ATG2B: variants seen among roughly 807,000 people sequenced by gnomAD.
ATG2B encodes autophagy related 2B.
ATG2B carries 121 observed loss-of-function variants against 241.3 expected under a neutral mutation model. The ratio of observed to expected loss-of-function variants is 0.50; its 90% CI spans 0.43 to 0.58. The LOEUF is 0.58. ATG2B is among the 20% of genes least tolerant of loss of function. ATG2B has a pLI of 0.00. For synonymous variants in ATG2B, 858 were observed against 876.6 expected (o/e 0.98, Z 0.37); for missense variants, 2,306 against 2,491.6 (o/e 0.93, Z 1.59).
intron 29 of ATG2B, among the ~76,000 whole-genome samples, chr14:96,308,269 TATATATATATA>T (rs1566719910): frequency 4.9e-4 from 13 of 26,524 alleles, no homozygotes; most frequent in African/African-American, 6.5e-4. Context: ...TATATATATA[TATATATATATA>T]TATTTTTTTT....
At chr14:96,313,508 A>C in intron 23 of ATG2B, 73 bp from the exon 24 acceptor site, 1 of 640,076 alleles carries the variant, frequency 1.6e-6, no homozygotes, top group Non-Finnish European at 2.6e-6. Context: ...CTTAATACCA[A>C]TGTAAACCAG....
At chr14:96,291,958 TA>T in intron 37 of ATG2B, 70 bp downstream of exon 37, 1 of 1,099,960 alleles carries the variant, frequency 9.1e-7, no homozygotes, top group Non-Finnish European at 1.3e-6. Flanking sequence ...AAAGCAAAGT[TA>T]AAAATAAAAA....
chr14:96,340,131 C>CTATATAGA (rs1887984616), intron 6 of ATG2B, among the ~76,000 whole-genome samples: 1 of 24,106 alleles, frequency 4.1e-5, no homozygotes, highest in African/African-American at 3.4e-4. Context: ...ATATATATAT[C>CTATATAGA]ATATATGATA....
chr14:96,339,512 T>A (rs889084888), intron 6 of ATG2B, among the ~76,000 whole-genome samples: 11 of 151,980 alleles, frequency 7.2e-5, no homozygotes, highest in African/African-American at 2.7e-4. Flanking sequence ...TATGTATATA[T>A]ATTTACACAC....
At chr14:96,318,613 C>G (rs1365047122) in intron 18 of ATG2B, among the ~76,000 whole-genome samples, 1 of 152,016 alleles carries the variant, frequency 6.6e-6, no homozygotes, top group African/African-American at 2.4e-5. Flanking sequence ...GAGAGAAAAA[C>G]CCTTATGACT....
intron 6 of ATG2B, among the ~76,000 whole-genome samples, chr14:96,339,291 T>A (rs1176512069): frequency 1.3e-5 from 2 of 151,902 alleles, no homozygotes; most frequent in Non-Finnish European, 2.9e-5. Flanking sequence ...TGTGTGTGTG[T>A]GTGTGTGTGT....
At chr14:96,321,960 T>C in intron 18 of ATG2B, 152 bp downstream of exon 18, 6 of 574,838 alleles carry the variant, frequency 1.0e-5, no homozygotes, top group South Asian at 2.8e-5. Context: ...CAATAGCACA[T>C]CATAACGGCA....
At chr14:96,324,062 GAGCAA>G (rs905918311) in intron 15 of ATG2B, 64 bp from the exon 16 acceptor site, 1 of 1,088,514 alleles carries the variant, frequency 9.2e-7, no homozygotes, top group African/African-American at 1.6e-5. Context: ...AGAGATGGAG[GAGCAA>G]AGATCCTCTC....
intron 5 of ATG2B, among the ~76,000 whole-genome samples, chr14:96,342,063 G>A (rs1888050905): frequency 6.6e-6 from 1 of 152,086 alleles, no homozygotes; most frequent in Non-Finnish European, 1.5e-5. Flanking sequence ...CTCTCCTCTT[G>A]GAAGGGATTT....
intron 34 of ATG2B, among the ~76,000 whole-genome samples, chr14:96,300,492 C>T (rs1886760280): frequency 6.6e-6 from 1 of 152,172 alleles, no homozygotes; most frequent in Non-Finnish European, 1.5e-5. Flanking sequence ...ACACTCCAGC[C>T]TGGGTGACAG....
intron 34 of ATG2B, among the ~76,000 whole-genome samples, chr14:96,299,037 C>T (rs1886720569): frequency 6.6e-6 from 1 of 152,078 alleles, no homozygotes; most frequent in South Asian, 2.1e-4. Flanking sequence ...TAAAAGAATT[C>T]CTTTTAATGT....
At chr14:96,293,844 C>A (rs1249123124) in intron 36 of ATG2B, among the ~76,000 whole-genome samples, 1 of 151,948 alleles carries the variant, frequency 6.6e-6, no homozygotes, top group Non-Finnish European at 1.5e-5. Flanking sequence ...AACCCTACTT[C>A]CTCTGGGCTA....
intron 5 of ATG2B, among the ~76,000 whole-genome samples, chr14:96,342,192 T>TA (rs774028289): frequency 0.021 from 3,044 of 142,622 alleles, 48 homozygotes; most frequent in Non-Finnish European, 0.031. Context: ...GTTTTGATTG[T>TA]AAAAAAAAAA....
At chr14:96,323,875 C>A in intron 16 of ATG2B, 21 bp downstream of exon 16, 8 of 1,447,080 alleles carry the variant, frequency 5.5e-6, no homozygotes, top group Non-Finnish European at 7.7e-6. Context: ...TCCTATTAAA[C>A]CTATGCATTT....
chr14:96,360,582 G>T (rs1888595872), intron 1 of ATG2B, among the ~76,000 whole-genome samples: 1 of 152,126 alleles, frequency 6.6e-6, no homozygotes, highest in African/African-American at 2.4e-5. Flanking sequence ...AAACCTAATT[G>T]TGTGTATATA....
chr14:96,291,431 C>A (rs1886480767), intron 38 of ATG2B, among the ~76,000 whole-genome samples, 169 bp downstream of exon 38: 1 of 152,136 alleles, frequency 6.6e-6, no homozygotes, highest in Non-Finnish European at 1.5e-5. Context: ...TACTTCTAAT[C>A]CCTCAGAATA....
Position 96,322,573 on chromosome 14 carries a change from A to T in ATG2B, c.2703T>A (p.Phe901Leu). The T allele has an allele frequency of 6.2e-7, 1 of 1,612,748 alleles. No homozygotes were observed. Among genetic ancestry groups the T allele is most frequent in the Non-Finnish European group, 8.5e-7 (1 of 1,179,666 alleles). The change falls in exon 17 of 42, where the codon TTT (phenylalanine) becomes TTA (leucine). Residue 901 changes from phenylalanine (F) to leucine (L), a missense_variant. Phe to Leu is a conservative substitution (Grantham distance 22). Coordinates refer to ENST00000359933, the MANE Select transcript of ATG2B (RefSeq NM_018036.7). ...TTTCAAACATTACTCTACGAGAAGA[A>T]AAAGGAGATGGGGCTGGTCTTCTTA... Reference protein sequence around the residue: ...CDLRRPAPSPFSSRRVMFENE... With the variant: ...CDLRRPAPSPLSSRRVMFENE...
chr14:96,362,719 G>T, intron 1 of ATG2B, 96 bp downstream of exon 1: 2 of 1,266,498 alleles, frequency 1.6e-6, no homozygotes, highest in Non-Finnish European at 2.2e-6. Flanking sequence ...CAATTCCCAA[G>T]GAGGGACTGA....
At chr14:96,315,849 A>G (rs934734396) in intron 21 of ATG2B, among the ~76,000 whole-genome samples, 3 of 152,250 alleles carry the variant, frequency 2.0e-5, no homozygotes, top group African/African-American at 7.2e-5. Flanking sequence ...CATGTCTATG[A>G]AACAAGGTAA....
Sources: gnomAD v4.1 joint callset for allele counts (sites outside exome capture counted in the v4.1 genomes callset) on GRCh38, gnomAD v4.1.1 for gene constraint, MANE v1.5 for transcripts, NCBI Gene and HGNC (gene_info 2026-07-23, HGNC 2026-07-21) for gene names.